The following INTS1 variants were observed in gnomAD, a reference collection of about 807,000 sequenced individuals.
INTS1 encodes the protein integrator complex subunit 1.
A neutral mutation model predicts 241.6 loss-of-function variants in INTS1; 137 were observed. The ratio of observed to expected loss-of-function variants is 0.57; its 90% CI spans 0.49 to 0.65. INTS1 has a LOEUF of 0.65. INTS1 is among the 30% of genes least tolerant of loss of function. The probability of loss-of-function intolerance (pLI) is 0.00; values close to 1 mark genes in which losing one functional copy is unlikely to be tolerated. For synonymous variants in INTS1, 1,692 were observed against 1,337.8 expected, an observed-to-expected ratio of 1.26 and a Z score of -5.78; for missense variants, 3,073 against 3,032.2, an observed-to-expected ratio of 1.01 and a Z score of -0.32.
In INTS1 at chr7:1,493,468, G is replaced by A. The variant is rs1208057992; in HGVS notation, c.2068+286C>T. Among the ~76,000 whole-genome samples the A allele has an allele frequency of 6.6e-6, 1 of 152,204 alleles. No homozygotes were observed. The highest frequency in any genetic ancestry group is 2.4e-5 in the African/African-American group (1 of 41,438). On this transcript the variant is annotated intron_variant, in intron 15 of 47. Coordinates refer to ENST00000404767, the MANE Select transcript of INTS1 (RefSeq NM_001080453.3). The surrounding 1 kb of genome is among the most constrained non-coding windows in gnomAD (Gnocchi z 5.3). ...TACCTGTCGCCTAAAGGAGGTGACAGACAGGAAATCTGGCCGTGGCCAAAT... is the reference window on the plus strand; with the variant it reads ...TACCTGTCGCCTAAAGGAGGTGACAAACAGGAAATCTGGCCGTGGCCAAAT...
chr7:1,478,051 A>C lies in INTS1; in HGVS notation c.4631-115T>G, dbSNP rs1244011379. ...GTGAGCATGTGTGGGACACAAGAGC[A>C]GAGTCCAGCCGGAGCCAGAGAGGAG... On this transcript the variant is annotated intron_variant, in intron 33 of 47. Transcript: ENST00000404767. 5 of 910,110 alleles carry C rather than the reference A, an allele frequency of 5.5e-6. No individual in the cohort carries two copies. In the East Asian group the frequency reaches 9.8e-5, roughly 18 times the overall value. 56.4% of individuals were successfully genotyped at this position (910,110 alleles called of 1,614,324 possible).
rs772261159 is a variant in INTS1, at chr7:1,473,057, G to C, written c.6070+15C>G. ...TCCGCAGCTGCTTCCAGCAGCCCCT[G>C]GCAGCCCCACTCACCCTCGCCCTCT... On this transcript the variant is annotated intron_variant, in intron 43 of 47. Transcript: ENST00000404767. The C allele has an allele frequency of 2.6e-6, 4 of 1,551,368 alleles. No individual in the cohort carries two copies. In the Admixed American group the frequency reaches 7.1e-5, roughly 27 times the overall value.
At chr7:1,492,837 G>A (rs1296565791) in intron 16 of INTS1, among the ~76,000 whole-genome samples, 173 bp downstream of exon 16, 1 of 150,890 alleles carries the variant, frequency 6.6e-6, no homozygotes, top group Non-Finnish European at 1.5e-5. Context: ...GCTTACCCGG[G>A]CGGGAGTGGG....
At position 1,487,304 on chromosome 7, in the gene INTS1, G is replaced by C. The variant is rs1274415063; in HGVS notation, c.2646+16C>G. 1.9e-6 allele frequency: 3 copies of C among 1,577,118 alleles called. No individual in the cohort carries two copies. The highest frequency in any genetic ancestry group is 2.6e-6 in the Non-Finnish European group (3 of 1,161,910). ...CCAAGACCACCATCTCTACCTCCTG[G>C]AGCCTCGGCACTCACCTGCCGCTGG... On this transcript the variant is annotated intron_variant, in intron 20 of 47. Transcript: ENST00000404767.
chr7:1,498,940 C>CCCGGGG, intron 8 of INTS1, 35 bp downstream of exon 8: 5 of 1,381,882 alleles, frequency 3.6e-6, no homozygotes, highest in Non-Finnish European at 4.9e-6. Flanking sequence ...GCCCCCACCC[C>CCCGGGG]CTGCCCCGCC....
rs1390241331 is a variant in INTS1 at position 1,487,942 on chromosome 7, T to C, written c.2334A>G (p.Pro778=). The change falls in exon 19 of 48, where the codon CCA becomes CCG. Residue 778 remains proline (P), a synonymous_variant. Coordinates refer to ENST00000404767, the MANE Select transcript of INTS1 (RefSeq NM_001080453.3). ...EMVMTNNYSY[P]PCTLTDEETR... ...TCTCCTCATCCGTCAGGGTGCACGGTGGGTAGGAGTAGTTGCTAGGGCCAG... is the reference window on the plus strand; with the variant it reads ...TCTCCTCATCCGTCAGGGTGCACGGCGGGTAGGAGTAGTTGCTAGGGCCAG... The C allele has an allele frequency of 3.1e-6, 5 of 1,613,098 alleles. No homozygotes were observed. In the Middle Eastern group the frequency reaches 5.0e-4, roughly 160 times the overall value.
intron 29 of INTS1, 49 bp downstream of exon 29, chr7:1,480,786 A>C: frequency 7.0e-7 from 1 of 1,421,328 alleles, no homozygotes; most frequent in South Asian, 1.2e-5. Flanking sequence ...TGTTGGCCCC[A>C]CCCCTCCCCA....
Position 1,503,928 on chromosome 7 carries a change from C to G in INTS1, c.33G>C (p.Arg11=), listed in dbSNP as rs1485299014. 1 of 1,571,618 alleles carries G rather than the reference C, an allele frequency of 6.4e-7. No individual in the cohort carries two copies. The highest frequency in any genetic ancestry group is 8.6e-7 in the Non-Finnish European group (1 of 1,159,394). MNRAKPTTVR[R]PSAAAKPSGH... ...CTGAGGGTTTGGCCGCGGCGCTGGG[C>G]CGGCGCACCGTGGTGGGCTTGGCCC... Residue 11 remains arginine (R), a synonymous_variant, in exon 2 of 48, where the codon CGG becomes CGC. Coordinates refer to ENST00000404767, the MANE Select transcript of INTS1 (RefSeq NM_001080453.3).
In INTS1 at chr7:1,489,411, AACCGGAGGG is replaced by A; in HGVS notation, c.2258-16_2258-8del. The A allele has an allele frequency of 9.9e-7, 1 of 1,014,500 alleles. No homozygotes were observed. The allele number at this position is 1,014,500 out of a possible 1,614,324, so 62.8% of individuals were successfully genotyped here. A position where few individuals can be genotyped will look rare whatever the true frequency, so the allele number is the denominator to read the frequency against. ...TCCTCCCACGCAGCCAGGCCTAGGGAACCGGAGGGTGTGGGGCTGGCCAGGCTCCCCTGG... is the reference window on the plus strand; with the variant it reads ...TCCTCCCACGCAGCCAGGCCTAGGGATGTGGGGCTGGCCAGGCTCCCCTGG... On this transcript the variant is annotated splice_region_variant and splice_polypyrimidine_tract_variant and intron_variant, in intron 17 of 47. Transcript: ENST00000404767.
rs143689649 is a variant in INTS1 at position 1,495,549 on chromosome 7, C to T, written c.1716G>A (p.Leu572=). ...IAWDKGEKRN[L]EVLRSFQNQI... is the part of the protein sequence containing the mutation. Reference sequence around the variant, plus strand: ...GGTTCTGGAATGAGCGGAGCACTTCCAGGTCTGAAACAGACACGCAGCTTA... The same window carrying T: ...GGTTCTGGAATGAGCGGAGCACTTCTAGGTCTGAAACAGACACGCAGCTTA... Residue 572 remains leucine, a synonymous_variant, in exon 13 of 48, where the codon CTG becomes CTA. Transcript: ENST00000404767. 2.7e-3 allele frequency: 4,354 copies of T among 1,609,688 alleles called. 16 individuals are homozygous for T. The highest frequency in any genetic ancestry group is 7.8e-3 in the South Asian group (711 of 90,636).
Position 1,478,521 on chromosome 7 carries a change from T to TA in INTS1, c.4490-16_4490-15insT, listed in dbSNP as rs776582034. The stretch of plus-strand genomic sequence containing the variant: ...CCCCCCTCGCACTGTGGGAGGTCTG[T>TA]GTGAGTGCCCTGTGGCTCCAGCCCT... On this transcript the variant is annotated splice_polypyrimidine_tract_variant and intron_variant, in intron 32 of 47. Coordinates refer to ENST00000404767, the MANE Select transcript of INTS1 (RefSeq NM_001080453.3). 3 of 1,606,518 alleles carry TA rather than the reference T, an allele frequency of 1.9e-6. No homozygotes were observed. In the South Asian group the frequency reaches 3.3e-5, roughly 18 times the overall value.
rs1455973949 is a variant in INTS1, at chr7:1,494,708, TG to T, written c.1910+107del. The T allele has an allele frequency of 1.2e-5, 13 of 1,080,044 alleles. No individual in the cohort carries two copies. In the East Asian group the frequency reaches 3.1e-4, roughly 26 times the overall value. 66.9% of individuals were successfully genotyped at this position (1,080,044 alleles called of 1,614,324 possible). A position where few individuals can be genotyped will look rare whatever the true frequency, so the allele number is the denominator to read the frequency against. On this transcript the variant is annotated intron_variant, in intron 14 of 47. Transcript: ENST00000404767. ...GAGGAGCAGGATGGTGCTGTGACCA[TG>T]GGAACAGCCGCCCAACTCCCACTGG... is the stretch of plus-strand genomic sequence containing the variant.
rs1236955432 is a variant in INTS1, at chr7:1,487,094, G to A, written c.2654C>T (p.Ser885Leu). 4.5e-6 allele frequency: 7 copies of A among 1,547,190 alleles called. No individual in the cohort carries two copies. The highest frequency in any genetic ancestry group is 2.4e-5 in the East Asian group (1 of 41,276). ...GTCCGCCAGCCAGGGCATGGACTGC[G>A]AGGAGGCCTGGGCAGGCGACAGTGG... ...LLHIIQRQAS[S>L]QSMPWLADLV... Residue 885 changes from serine (S) to leucine (L), a missense_variant, in exon 21 of 48, where the codon TCG (serine) becomes TTG (leucine). Physicochemically the swap from Ser to Leu is moderately radical, Grantham distance 145. Transcript: ENST00000404767.
rs886850848 is a variant in INTS1, at chr7:1,493,522, G to A, written c.2068+232C>T. Among the ~76,000 whole-genome samples the A allele has an allele frequency of 3.9e-4, 59 of 152,278 alleles. No homozygotes were observed. The highest frequency in any genetic ancestry group is 1.3e-3 in the African/African-American group (56 of 41,542). Reference sequence around the variant, plus strand: ...ACCGAGAATGCCAATTCCAAAAAATGTGCAAATTCCAAAGAACGGGGCAGT... The same window carrying A: ...ACCGAGAATGCCAATTCCAAAAAATATGCAAATTCCAAAGAACGGGGCAGT... On this transcript the variant is annotated intron_variant, in intron 15 of 47. Coordinates refer to ENST00000404767, the MANE Select transcript of INTS1 (RefSeq NM_001080453.3). The surrounding 1 kb of genome is among the most constrained non-coding windows in gnomAD (Gnocchi z 5.3).
Position 1,497,566 on chromosome 7 carries a change from C to T in INTS1, c.1426-252G>A, listed in dbSNP as rs573111416. On this transcript the variant is annotated intron_variant, in intron 10 of 47. Transcript: ENST00000404767. This position sits in a 1 kb window ranked among gnomAD's most constrained non-coding sequence, Gnocchi z 5.3. ...TCGTGAAATGAGGAGGATTAATTAA[C>T]GGAAGCTGGGGGTGCGGGACACCAG... Among the ~76,000 whole-genome samples, 10 of 152,230 alleles carry T rather than the reference C, an allele frequency of 6.6e-5. No individual in the cohort carries two copies. Among genetic ancestry groups the T allele is most frequent in the East Asian group, 3.9e-4 (2 of 5,152 alleles).
In INTS1 at chr7:1,486,631, G is replaced by A; in HGVS notation, c.2970C>T (p.Ala990=). Residue 990 remains alanine (A), a synonymous_variant, in exon 22 of 48, where the codon GCC becomes GCT. Transcript: ENST00000404767. ...GACCCGCCCACCACCTCACCTTCATGGCCAGCACGCGGGAGGCCACCTGGG... is the reference window on the plus strand; with the variant it reads ...GACCCGCCCACCACCTCACCTTCATAGCCAGCACGCGGGAGGCCACCTGGG... ...GSSQVASRVL[A]MKGLSLVLSE... 2 of 1,611,520 alleles carry A rather than the reference G, an allele frequency of 1.2e-6. No homozygotes were observed. Among genetic ancestry groups the A allele is most frequent in the African/African-American group, 1.3e-5 (1 of 75,014 alleles).
rs774334929 is a variant in INTS1 at position 1,500,398 on chromosome 7, G to A, written c.350-32C>T. ...GGGGCAGGCGGTACGGTCAGAACGG[G>A]GCCAGGGCAGGGTCACCCCAAAGCC... On this transcript the variant is annotated intron_variant, in intron 3 of 47. Coordinates refer to ENST00000404767, the MANE Select transcript of INTS1 (RefSeq NM_001080453.3). 3.1e-5 allele frequency: 47 copies of A among 1,514,074 alleles called. No homozygotes were observed. The East Asian group carries it at 1.1e-3, about 35-fold the overall frequency. The allele number at this position is 1,514,074 out of a possible 1,614,324, so 93.8% of individuals were successfully genotyped here. A position where few individuals can be genotyped will look rare whatever the true frequency, so the allele number is the denominator to read the frequency against.
At position 1,474,272 on chromosome 7, in the gene INTS1, G is replaced by T; in HGVS notation, c.5725C>A (p.Leu1909Met). The T allele has an allele frequency of 6.2e-7, 1 of 1,608,510 alleles. No homozygotes were observed. ...AGCTCCAGCAGGCCCAGCACGTGCA[G>T]GAAGCAGCTCAGGTGGTTCTGCTGC... ...FRQQNHLSCF[L>M]HVLGLLELLQ... Residue 1909 changes from leucine to methionine, a missense_variant, in exon 41 of 48, where the codon CTG becomes ATG. Coordinates refer to ENST00000404767, the MANE Select transcript of INTS1 (RefSeq NM_001080453.3).
Position 1,484,108 on chromosome 7 carries a change from G to T in INTS1, c.3324C>A (p.Ser1108=), listed in dbSNP as rs1782130409. The change falls in exon 25 of 48, where the codon TCC becomes TCA. Residue 1108 remains serine (S), a synonymous_variant. Coordinates refer to ENST00000404767, the MANE Select transcript of INTS1 (RefSeq NM_001080453.3). ...GCACGGCGTCCGACGCGGCACTCGG[G>T]GAGAGCTTCGAGAAGAGGTGGGACA... The part of the protein sequence containing the change: ...TIMSHLFSKL[S]PSAASDAVLS... 2 of 1,612,408 alleles carry T rather than the reference G, an allele frequency of 1.2e-6. No individual in the cohort carries two copies. The highest frequency in any genetic ancestry group is 1.3e-5 in the African/African-American group (1 of 74,922).
Sources: allele counts gnomAD v4.1 joint callset (sites outside exome capture counted in the v4.1 genomes callset), GRCh38; gene constraint gnomAD v4.1.1; non-coding constraint Gnocchi (gnomAD v3.1); transcripts MANE v1.5; gene names NCBI Gene and HGNC (gene_info 2026-07-23, HGNC 2026-07-21).